The following DSG4 variants were observed in gnomAD, a reference collection of about 807,000 sequenced individuals.
DSG4 encodes desmoglein 4.
Under a neutral mutation model 93.1 loss-of-function variants are expected in DSG4, and 87 were observed. The ratio of observed to expected loss-of-function variants is 0.93; its 90% CI spans 0.79 to 1.12. The LOEUF is 1.12. DSG4 is among the 50% of genes most tolerant of loss of function. DSG4 has a pLI of 0.00. For missense variants in DSG4, 1,373 were observed against 1,285.7 expected (o/e 1.07, Z -1.04); for synonymous variants, 432 against 452.9 (o/e 0.95, Z 0.59).
chr18:31,400,585 T>C (rs1457620909), intron 9 of DSG4, among the ~76,000 whole-genome samples: 2 of 152,152 alleles, frequency 1.3e-5, no homozygotes, highest in Non-Finnish European at 2.9e-5. Flanking sequence ...TAAAGGATGT[T>C]TTACATTGCT....
At chr18:31,390,628 C>G in intron 5 of DSG4, 28 bp from the exon 6 acceptor site, 1 of 1,612,736 alleles carries the variant, frequency 6.2e-7, no homozygotes, top group Non-Finnish European at 8.5e-7. Context: ...GAGTCCCAAC[C>G]ATTCTCCACC....
intron 6 of DSG4, 39 bp from the exon 7 acceptor site, chr18:31,391,039 C>T (rs1232042655): frequency 6.2e-7 from 1 of 1,612,102 alleles, no homozygotes; most frequent in Non-Finnish European, 8.5e-7. Context: ...CTATTCAAGA[C>T]AAAACCTAAG....
intron 3 of DSG4, among the ~76,000 whole-genome samples, chr18:31,387,122 T>G (rs2072197162): frequency 6.6e-6 from 1 of 152,136 alleles, no homozygotes; most frequent in South Asian, 2.1e-4. Context: ...ATTCACATAG[T>G]GACAGTCTGA....
chr18:31,383,176 C>A (rs1156842940), intron 1 of DSG4, among the ~76,000 whole-genome samples: 5 of 152,210 alleles, frequency 3.3e-5, no homozygotes, highest in African/African-American at 1.2e-4. Flanking sequence ...CCTATCACTT[C>A]CACCTTGGTC....
rs1354497972 is a variant in DSG4, at chr18:31,388,611, G to T, written c.372+89G>T. The stretch of plus-strand genomic sequence containing the variant: ...TATCTTAAGATAATGGATTACTTTT[G>T]ATAAAACATGGCAGACTGAACCCAA... On this transcript the variant is annotated intron_variant, in intron 4 of 15. Transcript: ENST00000308128. 3.3e-6 allele frequency: 5 copies of T among 1,535,484 alleles called. No homozygotes were observed. In the African/African-American group the frequency reaches 4.1e-5, roughly 13 times the overall value.
At chr18:31,386,064 C>T (rs1234373409) in intron 2 of DSG4, among the ~76,000 whole-genome samples, 1 of 152,052 alleles carries the variant, frequency 6.6e-6, no homozygotes, top group Non-Finnish European at 1.5e-5. Flanking sequence ...ATATAGCAAG[C>T]ACAGATACAA....
intron 8 of DSG4, among the ~76,000 whole-genome samples, chr18:31,398,255 G>A (rs2072326870): frequency 6.6e-6 from 1 of 152,140 alleles, no homozygotes. Context: ...AAACAGATGT[G>A]CAAAAGGAAT....
chr18:31,378,139 C>T lies in DSG4; in HGVS notation c.48+1180C>T, dbSNP rs114380074. Among the ~76,000 whole-genome samples, 766 of 152,256 alleles carry T rather than the reference C, an allele frequency of 5.0e-3. 4 individuals carry two copies. The highest frequency in any genetic ancestry group is 0.017 in the African/African-American group (725 of 41,570). On this transcript the variant is annotated intron_variant, in intron 1 of 15. Transcript: ENST00000308128. ...TGACAACAGTGGTAGAATATTGCAT[C>T]CTCTGAGTTTAGGAGACAGATTATT...
chr18:31,410,407 GTCTA>G (rs1051291814), intron 14 of DSG4, among the ~76,000 whole-genome samples: 1 of 151,236 alleles, frequency 6.6e-6, no homozygotes, highest in Non-Finnish European at 1.5e-5. Flanking sequence ...GTGTATGTGT[GTCTA>G]TATATATACA....
rs369987317 is a variant in DSG4 at position 31,412,897 on chromosome 18, G to A, written c.2425G>A (p.Glu809Lys). 18 of 1,614,174 alleles carry A rather than the reference G, an allele frequency of 1.1e-5. No individual in the cohort carries two copies. The highest frequency in any genetic ancestry group is 3.3e-4 in the Middle Eastern group (2 of 6,062). Residue 809 changes from glutamate (E) to lysine (K), a missense_variant, in exon 16 of 16, where the codon GAG (glutamate) becomes AAG (lysine). By Grantham distance (56) the Glu-to-Lys change is moderately conservative. Coordinates refer to ENST00000308128, the MANE Select transcript of DSG4 (RefSeq NM_177986.5). ...ANDCLLIYDH[E>K]GVGSPVGSIG... ...TGACTGCTTGCTCATTTATGACCAC[G>A]AGGGAGTCGGGTCTCCCGTAGGCTC...
chr18:31,377,285 G>A (rs1027467592), intron 1 of DSG4, among the ~76,000 whole-genome samples: 3 of 152,274 alleles, frequency 2.0e-5, no homozygotes, highest in Admixed American at 6.5e-5. Flanking sequence ...AAATCAGATA[G>A]ATTGCTGTGA....
At chr18:31,395,836 A>G (rs2072299421) in intron 8 of DSG4, among the ~76,000 whole-genome samples, 1 of 152,150 alleles carries the variant, frequency 6.6e-6, no homozygotes, top group South Asian at 2.1e-4. Context: ...CCAAGTCTCT[A>G]GCGAAAGATG....
intron 8 of DSG4, among the ~76,000 whole-genome samples, chr18:31,394,908 A>G (rs1322550091): frequency 2.0e-5 from 3 of 152,204 alleles, no homozygotes; most frequent in Admixed American, 2.0e-4. Context: ...CTAACTTTGT[A>G]TATTATCTCA....
Position 31,389,014 on chromosome 18 carries a change from T to A in DSG4, c.513T>A (p.Asp171Glu), listed in dbSNP as rs1221128908. The change falls in exon 5 of 16, where the codon GAT becomes GAA. Residue 171 changes from aspartate to glutamate, a missense_variant. Physicochemically the swap from Asp to Glu is conservative, Grantham distance 45. Transcript: ENST00000308128. ...CAGCCAGCATTGAAGAAAATAGTGATGCCAGTAAGTAGAATGACATTCCTT... is the reference window on the plus strand; with the variant it reads ...CAGCCAGCATTGAAGAAAATAGTGAAGCCAGTAAGTAGAATGACATTCCTT... ...VYTASIEENSDANTLVVKLCA... is the reference protein window; with the variant it reads ...VYTASIEENSEANTLVVKLCA... 6.2e-7 allele frequency: 1 copy of A among 1,613,034 alleles called. No individual in the cohort carries two copies. Among genetic ancestry groups the A allele is most frequent in the East Asian group, 2.2e-5 (1 of 44,830 alleles).
At position 31,409,303 on chromosome 18, in the gene DSG4, C is replaced by T. The variant is rs561340604; in HGVS notation, c.1934-149C>T. The T allele has an allele frequency of 2.6e-6, 3 of 1,163,434 alleles. No individual in the cohort carries two copies. The East Asian group carries it at 7.5e-5, about 29-fold the overall frequency. The allele number at this position is 1,163,434 out of a possible 1,614,324, so 72.1% of individuals were successfully genotyped here. On this transcript the variant is annotated intron_variant, in intron 12 of 15. Coordinates refer to ENST00000308128, the MANE Select transcript of DSG4 (RefSeq NM_177986.5). ...TAAACTTGGATATGTATACTCAATC[C>T]CCTAAAGGAAAAAAATGAGATTTTC...
chr18:31,411,294 T>G lies in DSG4; in HGVS notation c.2201T>G (p.Leu734Arg), dbSNP rs755024481. 1 of 1,612,646 alleles carries G rather than the reference T, an allele frequency of 6.2e-7. No individual in the cohort carries two copies. The highest frequency in any genetic ancestry group is 1.1e-5 in the South Asian group (1 of 91,066). The change falls in exon 15 of 16, where the codon CTC becomes CGC. Residue 734 changes from leucine (L) to arginine (R), a missense_variant. Physicochemically the swap from Leu to Arg is moderately radical, Grantham distance 102 (BLOSUM62 -2). Transcript: ENST00000308128. ...GAAGGAGGTGTATCGGGAGTGGAGC[T>G]CAACACAGGTATGGGGACAGCCGTT... ...TVEGGVSGVE[L>R]NTGMGTAVGL... is the part of the protein sequence containing the mutation.
At chr18:31,381,192 T>C (rs1160921729) in intron 1 of DSG4, among the ~76,000 whole-genome samples, 1 of 152,208 alleles carries the variant, frequency 6.6e-6, no homozygotes, top group Admixed American at 6.5e-5. Context: ...CACATGTTGA[T>C]GAGCAACTTT....
At chr18:31,410,978 G>A in intron 14 of DSG4, 8 of 1,083,996 alleles carry the variant, frequency 7.4e-6, no homozygotes, top group Non-Finnish European at 1.0e-5. Context: ...ACACCTTTAA[G>A]TCTAGGGCGA....
At chr18:31,408,697 T>C (rs2072453671) in intron 12 of DSG4, among the ~76,000 whole-genome samples, 1 of 152,214 alleles carries the variant, frequency 6.6e-6, no homozygotes, top group Non-Finnish European at 1.5e-5. Context: ...ATTCTTTATC[T>C]TTAATTAACC....
Sources: gnomAD v4.1 joint callset for allele counts (sites outside exome capture counted in the v4.1 genomes callset) on GRCh38, gnomAD v4.1.1 for gene constraint, MANE v1.5 for transcripts, NCBI Gene and HGNC (gene_info 2026-07-23, HGNC 2026-07-21) for gene names.